SEC24A: variants seen among roughly 807,000 people sequenced by gnomAD.
SEC24A encodes SEC24 homolog A, COPII component.
In SEC24A, 93 loss-of-function variants were observed where a neutral mutation model predicts 129.4. The observed-to-expected ratio is 0.72, with a 90% CI of 0.61 to 0.85. SEC24A has a LOEUF of 0.85. Ranked by LOEUF, SEC24A falls within the 40% of genes least tolerant of loss-of-function variation. The pLI is 0.00. For synonymous variants in SEC24A, 460 were observed against 467.3 expected, an observed-to-expected ratio of 0.98 and a Z score of 0.20; for missense variants, 1,264 against 1,307.4, an observed-to-expected ratio of 0.97 and a Z score of 0.51.
At chr5:134,704,409 G>A (rs1752092494) in intron 16 of SEC24A, among the ~76,000 whole-genome samples, 1 of 152,046 alleles carries the variant, frequency 6.6e-6, no homozygotes, top group Non-Finnish European at 1.5e-5. Flanking sequence ...CAACTAAAAA[G>A]TTCAAAAAAG....
chr5:134,701,722 G>T (rs1421181001), intron 15 of SEC24A, among the ~76,000 whole-genome samples: 1 of 151,940 alleles, frequency 6.6e-6, no homozygotes, highest in Non-Finnish European at 1.5e-5. Flanking sequence ...TGTCGGTGAG[G>T]CTGGTCTCGA....
intron 19 of SEC24A, among the ~76,000 whole-genome samples, chr5:134,717,687 G>A (rs949215297): frequency 1.3e-5 from 2 of 152,026 alleles, no homozygotes; most frequent in South Asian, 2.1e-4. Flanking sequence ...AGGCCGAGGC[G>A]GGTGGATCAA....
At chr5:134,693,624 C>G (rs1054570674) in intron 12 of SEC24A, 103 bp from the exon 13 acceptor site, 1 of 1,473,692 alleles carries the variant, frequency 6.8e-7, no homozygotes, top group African/African-American at 1.4e-5. Context: ...GATTCTCTGA[C>G]CATCATCATG....
intron 9 of SEC24A, 136 bp downstream of exon 9, chr5:134,682,618 G>A: frequency 2.0e-6 from 1 of 496,126 alleles, no homozygotes; most frequent in Non-Finnish European, 3.6e-6. Context: ...CCATGCTGGA[G>A]TGCAGTGGTG....
At position 134,650,255 on chromosome 5, in the gene SEC24A, T is replaced by C. The variant is rs114198277; in HGVS notation, c.97+1082T>C. 1.8e-3 allele frequency among the ~76,000 whole-genome samples: 276 copies of C among 152,300 alleles called. 1 individual carries two copies. The highest frequency in any genetic ancestry group is 4.2e-3 in the Admixed American group (64 of 15,260). On this transcript the variant is annotated intron_variant, in intron 1 of 22. Coordinates refer to ENST00000398844, the MANE Select transcript of SEC24A (RefSeq NM_021982.3). The stretch of plus-strand genomic sequence containing the variant: ...TAACCATTCTTTCTCAAAATTATGG[T>C]AACAGATTATGTACACTACATTTTA...
intron 2 of SEC24A, 58 bp from the exon 3 acceptor site, chr5:134,666,765 G>C: frequency 6.9e-7 from 1 of 1,446,920 alleles, no homozygotes; most frequent in Non-Finnish European, 9.7e-7. Flanking sequence ...GTAAAAGGCT[G>C]ATTTTGGCCA....
chr5:134,670,944 G>A (rs964826601), intron 3 of SEC24A, among the ~76,000 whole-genome samples: 17 of 151,832 alleles, frequency 1.1e-4, no homozygotes, highest in African/African-American at 3.4e-4. Flanking sequence ...AGCTGAAATC[G>A]CACCACTTCA....
intron 15 of SEC24A, among the ~76,000 whole-genome samples, chr5:134,703,547 C>T (rs1376713211): frequency 6.6e-6 from 1 of 152,142 alleles, no homozygotes; most frequent in African/African-American, 2.4e-5. Flanking sequence ...GGATTACAGG[C>T]GTGAGCTACC....
chr5:134,658,657 T>C (rs1415415270), intron 1 of SEC24A, among the ~76,000 whole-genome samples: 1 of 152,168 alleles, frequency 6.6e-6, no homozygotes, highest in Non-Finnish European at 1.5e-5. Flanking sequence ...AGTTCTGCTT[T>C]GGCCTCCCAG....
rs1351086180 is a variant in SEC24A, at chr5:134,675,340, G to A, written c.1151+123G>A. ...ATTTATGAAAGTTCTGGATACAGAT[G>A]ATAGAACTCTTTTACTTGTTTACTT... On this transcript the variant is annotated intron_variant, in intron 6 of 22. Coordinates refer to ENST00000398844, the MANE Select transcript of SEC24A (RefSeq NM_021982.3). 4.3e-6 allele frequency: 3 copies of A among 698,154 alleles called. No homozygotes were observed. In the South Asian group the frequency reaches 8.4e-5, roughly 19 times the overall value. 43.2% of individuals were successfully genotyped at this position (698,154 alleles called of 1,614,324 possible). A position where few individuals can be genotyped will look rare whatever the true frequency, so the allele number is the denominator to read the frequency against.
chr5:134,648,520 T>C (rs996815649), upstream of SEC24A: 2 of 152,640 alleles, frequency 1.3e-5, no homozygotes, highest in Non-Finnish European at 2.9e-5. Context: ...CCCACGATCC[T>C]GGCTCTGCGA....
intron 8 of SEC24A, among the ~76,000 whole-genome samples, chr5:134,682,035 A>G (rs1580706770): frequency 6.6e-6 from 1 of 152,138 alleles, no homozygotes; most frequent in Non-Finnish European, 1.5e-5. Flanking sequence ...TGAGGTTGGG[A>G]GTTCGAGACC....
At chr5:134,685,591 G>C (rs1234414683) in intron 9 of SEC24A, among the ~76,000 whole-genome samples, 1 of 152,174 alleles carries the variant, frequency 6.6e-6, no homozygotes, top group East Asian at 1.9e-4. Context: ...ATCTCTTGCA[G>C]ATACCAAGGG....
At chr5:134,671,915 A>G in intron 4 of SEC24A, 29 bp downstream of exon 4, 2 of 1,363,380 alleles carry the variant, frequency 1.5e-6, no homozygotes, top group South Asian at 1.2e-5. Flanking sequence ...TTTTTTTTTA[A>G]TCTCTTTTTT....
Position 134,706,079 on chromosome 5 carries a change from G to A in SEC24A, c.2551+642G>A, listed in dbSNP as rs549008696. On this transcript the variant is annotated intron_variant, in intron 17 of 22. Coordinates refer to ENST00000398844, the MANE Select transcript of SEC24A (RefSeq NM_021982.3). Reference sequence around the variant, plus strand: ...ATTTTTGTATTTTTAGTAGAGACAGGGTTTCTTCATGTGGTCGGGCTGGTC... The same window carrying A: ...ATTTTTGTATTTTTAGTAGAGACAGAGTTTCTTCATGTGGTCGGGCTGGTC... Among the ~76,000 whole-genome samples the A allele has an allele frequency of 7.2e-5, 11 of 152,074 alleles. No individual in the cohort carries two copies. In the South Asian group the frequency reaches 2.3e-3, roughly 32 times the overall value.
chr5:134,711,129 C>A (rs889654178), intron 18 of SEC24A, among the ~76,000 whole-genome samples: 2 of 151,940 alleles, frequency 1.3e-5, no homozygotes, highest in African/African-American at 4.8e-5. Flanking sequence ...AAGCGAGACT[C>A]CTTCTCTTAA....
intron 6 of SEC24A, 143 bp from the exon 7 acceptor site, chr5:134,675,880 G>A: frequency 3.7e-6 from 2 of 537,822 alleles, no homozygotes; most frequent in Non-Finnish European, 6.4e-6. Flanking sequence ...ATATTTAAAT[G>A]GGATAAAATT....
At position 134,725,382 on chromosome 5, in the gene SEC24A, G is replaced by T. The variant is rs1286578262; in HGVS notation, c.*288G>T. 1 of 220,900 alleles carries T rather than the reference G, an allele frequency of 4.5e-6. No individual in the cohort carries two copies. Among genetic ancestry groups the T allele is most frequent in the Non-Finnish European group, 8.8e-6 (1 of 113,664 alleles). The allele number at this position is 220,900 out of a possible 1,614,324, so 13.7% of individuals were successfully genotyped here. On this transcript the variant is annotated 3_prime_UTR_variant, in exon 23 of 23. Coordinates refer to ENST00000398844, the MANE Select transcript of SEC24A (RefSeq NM_021982.3). ...TATGGATTAAAATAAGAATATTGCA[G>T]AGGCAAAGTACATTTTGTAAAATAA...
intron 19 of SEC24A, among the ~76,000 whole-genome samples, chr5:134,717,115 G>A (rs960522101): frequency 1.3e-5 from 2 of 151,626 alleles, no homozygotes; most frequent in African/African-American, 4.8e-5. Context: ...CTAACCTCAA[G>A]TGATCCACCC....
Sources: allele counts gnomAD v4.1 joint callset (sites outside exome capture counted in the v4.1 genomes callset), GRCh38; gene constraint gnomAD v4.1.1; transcripts MANE v1.5; gene names NCBI Gene and HGNC (gene_info 2026-07-23, HGNC 2026-07-21).